The following ZNF573 variants were observed in gnomAD, a reference collection of about 807,000 sequenced individuals.
ZNF573 encodes zinc finger protein 573.
In ZNF573, 41 loss-of-function variants were observed where a neutral mutation model predicts 57.4. The ratio of observed to expected loss-of-function variants is 0.71; its 90% CI spans 0.56 to 0.93. The LOEUF is 0.93. Ranked by LOEUF, ZNF573 falls within the 40% of genes least tolerant of loss-of-function variation. The pLI is 0.00. For synonymous variants in ZNF573, 249 were observed against 261.0 expected (o/e 0.95, Z 0.44); for missense variants, 730 against 794.8 (o/e 0.92, Z 0.98).
At chr19:37,769,946 TC>T in intron 4 of ZNF573, 58 bp downstream of exon 4, 1 of 1,424,104 alleles carries the variant, frequency 7.0e-7, no homozygotes, top group South Asian at 1.2e-5. Context: ...CAAAAATGTC[TC>T]CTTTCTCTTA....
chr19:37,757,845 T>C (rs2045504688), intron 4 of ZNF573, among the ~76,000 whole-genome samples: 1 of 152,002 alleles, frequency 6.6e-6, no homozygotes, highest in African/African-American at 2.4e-5. Context: ...ATATATACCA[T>C]GGAATACTAT....
intron 4 of ZNF573, among the ~76,000 whole-genome samples, chr19:37,752,670 T>C (rs2045449759): frequency 6.6e-6 from 1 of 152,182 alleles, no homozygotes. Flanking sequence ...GATTTTGCTC[T>C]GTTCCCTAGG....
chr19:37,750,831 CAAAA>C (rs537735677), intron 4 of ZNF573, among the ~76,000 whole-genome samples: 1 of 98,220 alleles, frequency 1.0e-5, no homozygotes, highest in African/African-American at 4.5e-5. Flanking sequence ...GACCCAGTCT[CAAAA>C]AAAAAAAAAA....
At chr19:37,762,184 G>A (rs533011530) in intron 4 of ZNF573, among the ~76,000 whole-genome samples, 1 of 152,302 alleles carries the variant, frequency 6.6e-6, no homozygotes, top group South Asian at 2.1e-4. Context: ...ATTGCAGATT[G>A]TAGACATTCT....
intron 4 of ZNF573, among the ~76,000 whole-genome samples, chr19:37,748,692 G>T (rs896480442): frequency 1.3e-5 from 2 of 152,070 alleles, no homozygotes; most frequent in Non-Finnish European, 2.9e-5. Context: ...ACTTTGGGAG[G>T]CCAAGGCAGG....
chr19:37,738,476 C>T lies in ZNF573; in HGVS notation c.*16G>A, dbSNP rs566498803. 4.6e-6 allele frequency: 7 copies of T among 1,513,464 alleles called. No homozygotes were observed. The East Asian group carries it at 1.1e-4, about 25-fold the overall frequency. 93.8% of individuals were successfully genotyped at this position (1,513,464 alleles called of 1,614,324 possible). ...GCTGTCTGATGATGAATGGCGCGCT[C>T]GTACTCTTTACGGTCTTACACTTTT... On this transcript the variant is annotated 3_prime_UTR_variant, in exon 5 of 5. Coordinates refer to ENST00000536220, the MANE Select transcript of ZNF573 (RefSeq NM_001172690.2).
intron 4 of ZNF573, among the ~76,000 whole-genome samples, chr19:37,756,866 C>T (rs1568419848): frequency 6.6e-6 from 1 of 151,504 alleles, no homozygotes; most frequent in African/African-American, 2.4e-5. Context: ...TATAGCAATG[C>T]TACTATATAT....
intron 3 of ZNF573, chr19:37,770,600 A>C: frequency 8.2e-6 from 1 of 122,068 alleles, no homozygotes; most frequent in Non-Finnish European, 1.7e-5. Flanking sequence ...CCTCATCTCT[A>C]CAAAAAAAAA....
intron 4 of ZNF573, among the ~76,000 whole-genome samples, chr19:37,746,232 A>T (rs1351596786): frequency 6.6e-6 from 1 of 152,250 alleles, no homozygotes; most frequent in Non-Finnish European, 1.5e-5. Flanking sequence ...ACTGAAAATT[A>T]TAAGGCCATA....
chr19:37,741,367 G>A (rs1009643396), intron 4 of ZNF573, among the ~76,000 whole-genome samples: 18 of 152,122 alleles, frequency 1.2e-4, no homozygotes, highest in African/African-American at 4.1e-4. Flanking sequence ...TCCAGCTCAA[G>A]CGATTTTCCC....
At chr19:37,773,075 G>A (rs137995268) in intron 2 of ZNF573, 6,633 of 634,206 alleles carry the variant, frequency 0.01, 61 homozygotes, top group Admixed American at 0.04. Context: ...AATGGATACT[G>A]ATATAGGATG....
rs770476433 is a variant in ZNF573, at chr19:37,739,009, C to G, written c.1481G>C (p.Gly494Ala). The G allele has an allele frequency of 6.2e-7, 1 of 1,613,650 alleles. No homozygotes were observed. Among genetic ancestry groups the G allele is most frequent in the East Asian group, 2.2e-5 (1 of 44,864 alleles). Residue 494 changes from glycine (G) to alanine (A), a missense_variant, in exon 5 of 5, where the codon GGT (glycine) becomes GCT (alanine). Coordinates refer to ENST00000536220, the MANE Select transcript of ZNF573 (RefSeq NM_001172690.2). The stretch of plus-strand genomic sequence containing the variant: ...TTCCTTACATTTATAGGGTTTCTCA[C>G]CAGTATGAGTTTTCCGATGTTGAAT... The part of the protein sequence containing the change: ...NLIQHRKTHT[G>A]EKPYKCKECG...
At chr19:37,765,187 C>G (rs987125492) in intron 4 of ZNF573, among the ~76,000 whole-genome samples, 1 of 152,082 alleles carries the variant, frequency 6.6e-6, no homozygotes, top group African/African-American at 2.4e-5. Context: ...GCCACCACAC[C>G]CAGTCACTTA....
intron 4 of ZNF573, among the ~76,000 whole-genome samples, chr19:37,743,680 CAT>C (rs750659329): frequency 2.0e-5 from 3 of 152,182 alleles, no homozygotes; most frequent in Non-Finnish European, 4.4e-5. Flanking sequence ...TAGAAAGACA[CAT>C]GTGCATGTAC....
chr19:37,739,298 CAGT>C lies in ZNF573; in HGVS notation c.1189_1191del (p.Thr397del). 1 of 1,613,848 alleles carries C rather than the reference CAGT, an allele frequency of 6.2e-7. No homozygotes were observed. The highest frequency in any genetic ancestry group is 8.5e-7 in the Non-Finnish European group (1 of 1,179,968). On this transcript the variant is annotated inframe_deletion, in exon 5 of 5. Coordinates refer to ENST00000536220, the MANE Select transcript of ZNF573 (RefSeq NM_001172690.2). The stretch of plus-strand genomic sequence containing the variant: ...TTCTGATGTTGAAAGAGTTTTGAAC[CAGT>C]AGTATAGGTCTTCCCACATTGCTTG...
At chr19:37,769,264 A>C (rs1296715519) in intron 4 of ZNF573, among the ~76,000 whole-genome samples, 2 of 151,408 alleles carry the variant, frequency 1.3e-5, no homozygotes, top group African/African-American at 4.9e-5. Context: ...CACTGCGCCC[A>C]GCCTACCTGT....
chr19:37,750,538 G>A (rs1316531774), intron 4 of ZNF573, among the ~76,000 whole-genome samples: 1 of 152,044 alleles, frequency 6.6e-6, no homozygotes, highest in African/African-American at 2.4e-5. Context: ...GGTTAGTCAA[G>A]TACTAGAATT....
intron 4 of ZNF573, among the ~76,000 whole-genome samples, chr19:37,761,569 T>A (rs976063900): frequency 6.6e-6 from 1 of 152,118 alleles, no homozygotes; most frequent in Non-Finnish European, 1.5e-5. Context: ...CCATAAAAAA[T>A]TCCCTGGCCT....
chr19:37,764,225 G>T (rs768996335), intron 4 of ZNF573, among the ~76,000 whole-genome samples: 12 of 151,236 alleles, frequency 7.9e-5, no homozygotes, highest in African/African-American at 1.5e-4. Flanking sequence ...GTTTGGCCAG[G>T]AAGTTGCCAT....
Sources: gnomAD v4.1 joint callset for allele counts (sites outside exome capture counted in the v4.1 genomes callset) on GRCh38, gnomAD v4.1.1 for gene constraint, MANE v1.5 for transcripts, NCBI Gene and HGNC (gene_info 2026-07-23, HGNC 2026-07-21) for gene names.